Variants in MBD5 observed in about 807,000 individuals in gnomAD.
MBD5 encodes methyl-CpG binding domain protein 5.
A neutral mutation model predicts 117.3 loss-of-function variants in MBD5; 13 were observed. That is an observed-to-expected ratio of 0.11 (90% confidence interval 0.07 to 0.18). MBD5 has a LOEUF of 0.18. MBD5 is among the 10% of genes least tolerant of loss of function. The pLI is 1.00. For missense variants in MBD5, 1,879 were observed against 2,093.8 expected (o/e 0.90, Z 2.00); for synonymous variants, 727 against 766.4 (o/e 0.95, Z 0.85).
At chr2:148,209,815 A>G (rs1193399877) in intron 2 of MBD5, among the ~76,000 whole-genome samples, 1 of 152,058 alleles carries the variant, frequency 6.6e-6, no homozygotes, top group African/African-American at 2.4e-5. Context: ...ATACTTTTAA[A>G]CAACCATATT....
chr2:148,445,534 C>T (rs1428421120), intron 4 of MBD5, among the ~76,000 whole-genome samples: 1 of 151,306 alleles, frequency 6.6e-6, no homozygotes, highest in Non-Finnish European at 1.5e-5. Flanking sequence ...TCCAGTCTAT[C>T]ATTGTTGGAC....
chr2:148,077,552 A>G (rs1186735392), intron 1 of MBD5, among the ~76,000 whole-genome samples: 2 of 152,192 alleles, frequency 1.3e-5, no homozygotes, highest in African/African-American at 4.8e-5. Context: ...TATTGAGGAT[A>G]ATTTTAAACG....
At chr2:148,022,570 G>T (rs1693784994) in intron 1 of MBD5, among the ~76,000 whole-genome samples, 1 of 152,138 alleles carries the variant, frequency 6.6e-6, no homozygotes, top group Non-Finnish European at 1.5e-5. Flanking sequence ...TGTTCTGGCT[G>T]CATGGAAGGC....
intron 2 of MBD5, among the ~76,000 whole-genome samples, chr2:148,181,702 G>C (rs1698538416): frequency 6.6e-6 from 1 of 151,824 alleles, no homozygotes; most frequent in South Asian, 2.1e-4. Flanking sequence ...TTGTTTTATA[G>C]GAATTTGTTG....
chr2:148,377,218 C>A (rs866423303), intron 4 of MBD5, among the ~76,000 whole-genome samples: 5 of 152,148 alleles, frequency 3.3e-5, no homozygotes, highest in Non-Finnish European at 5.9e-5. Flanking sequence ...GCATTCAGCA[C>A]GGGAAAAGGA....
intron 1 of MBD5, chr2:148,054,634 T>A (rs1392860305): frequency 6.6e-6 from 1 of 152,246 alleles, no homozygotes; most frequent in East Asian, 1.9e-4. Context: ...ACTTTTACAG[T>A]CATTTTAGAA....
intron 4 of MBD5, among the ~76,000 whole-genome samples, chr2:148,425,480 T>C (rs1474226769): frequency 6.6e-6 from 1 of 152,082 alleles, no homozygotes; most frequent in Non-Finnish European, 1.5e-5. Flanking sequence ...GACACCATTC[T>C]TTCTGAAACT....
chr2:148,485,672 G>T, intron 9 of MBD5, 70 bp from the exon 10 acceptor site: 2 of 1,174,838 alleles, frequency 1.7e-6, no homozygotes, highest in Non-Finnish European at 1.2e-6. Context: ...AGGAATTCTC[G>T]GGTACAAAGA....
At chr2:148,498,081 A>G (rs1681757134) in intron 11 of MBD5, among the ~76,000 whole-genome samples, 1 of 152,234 alleles carries the variant, frequency 6.6e-6, no homozygotes, top group Non-Finnish European at 1.5e-5. Context: ...TCCTTACATT[A>G]TGCCATTCCC....
At chr2:148,463,984 T>G in intron 7 of MBD5, 65 bp downstream of exon 7, 2 of 1,537,800 alleles carry the variant, frequency 1.3e-6, no homozygotes, top group Non-Finnish European at 1.8e-6. Context: ...CTAGAAATCA[T>G]TTTGCCTAGC....
intron 4 of MBD5, among the ~76,000 whole-genome samples, chr2:148,428,191 T>C (rs1390521813): frequency 1.3e-5 from 2 of 152,176 alleles, no homozygotes; most frequent in African/African-American, 4.8e-5. Flanking sequence ...AGCATTCTTA[T>C]ACACTAATAA....
At chr2:148,056,358 C>A (rs1237686860) in intron 1 of MBD5, among the ~76,000 whole-genome samples, 1 of 151,914 alleles carries the variant, frequency 6.6e-6, no homozygotes, top group Non-Finnish European at 1.5e-5. Context: ...TTTTTGTGGG[C>A]TAGAATCTAC....
intron 5 of MBD5, 80 bp downstream of exon 5, chr2:148,458,951 G>A (rs139547916): frequency 4.3e-4 from 464 of 1,080,674 alleles, no homozygotes; most frequent in Non-Finnish European, 6.3e-4. Context: ...GGTGACTGAT[G>A]GCACCTCATA....
intron 3 of MBD5, among the ~76,000 whole-genome samples, chr2:148,314,806 C>T (rs910203432): frequency 5.9e-5 from 9 of 152,224 alleles, no homozygotes; most frequent in African/African-American, 1.9e-4. Flanking sequence ...CATAGCATAA[C>T]TCTAAAGTTT....
intron 4 of MBD5, among the ~76,000 whole-genome samples, chr2:148,384,541 G>A (rs1704277583): frequency 6.6e-6 from 1 of 152,114 alleles, no homozygotes; most frequent in Non-Finnish European, 1.5e-5. Context: ...ACTGCCTAAG[G>A]TAACTTATAG....
chr2:148,251,085 G>A (rs1316086894), intron 3 of MBD5, among the ~76,000 whole-genome samples: 2 of 151,872 alleles, frequency 1.3e-5, no homozygotes, highest in African/African-American at 4.8e-5. Flanking sequence ...ACTAAAAAAC[G>A]CTTAATAAAT....
chr2:148,317,982 TG>T (rs1702193696), intron 3 of MBD5, among the ~76,000 whole-genome samples: 4 of 152,332 alleles, frequency 2.6e-5, no homozygotes, highest in African/African-American at 9.6e-5. Context: ...GTGGTGGAAT[TG>T]CTAGGTTGAA....
At chr2:148,099,516 G>A (rs924767581) in intron 1 of MBD5, among the ~76,000 whole-genome samples, 14 of 152,126 alleles carry the variant, frequency 9.2e-5, no homozygotes, top group African/African-American at 2.7e-4. Flanking sequence ...GGAAAAGTTC[G>A]GCAATTTTGG....
chr2:148,221,803 G>A (rs551169823), intron 2 of MBD5, among the ~76,000 whole-genome samples: 22 of 152,052 alleles, frequency 1.4e-4, no homozygotes, highest in African/African-American at 4.6e-4. Context: ...GCCTGTGCTC[G>A]TAGGGTATTA....
Sources: allele counts gnomAD v4.1 joint callset (sites outside exome capture counted in the v4.1 genomes callset), GRCh38; gene constraint gnomAD v4.1.1; transcripts MANE v1.5; gene names NCBI Gene and HGNC (gene_info 2026-07-23, HGNC 2026-07-21).